The following DENND1A variants were observed in gnomAD, a reference collection of about 807,000 sequenced individuals.
DENND1A encodes the protein DENN domain containing 1A, also known as DENN domain-containing protein 1A.
DENND1A carries 51 observed loss-of-function variants against 113.7 expected under a neutral mutation model. The observed-to-expected ratio is 0.45, with a 90% CI of 0.36 to 0.57. The LOEUF (loss-of-function observed/expected upper bound fraction) is 0.57. DENND1A is among the 20% of genes least tolerant of loss of function. The pLI is 0.00. For missense variants in DENND1A, 1,258 were observed against 1,395.9 expected (o/e 0.90, Z 1.57); for synonymous variants, 565 against 570.8 (o/e 0.99, Z 0.14).
At chr9:123,434,829 TGCTTACAGTGGACCCG>T (rs759495330) in intron 19 of DENND1A, among the ~76,000 whole-genome samples, 26 of 152,254 alleles carry the variant, frequency 1.7e-4, no homozygotes, top group South Asian at 2.1e-4. Flanking sequence ...AGTAAGTGCA[TGCTTACAGTGGACCCG>T]GCTTACAGTG....
intron 1 of DENND1A, among the ~76,000 whole-genome samples, chr9:123,902,874 T>A (rs1588157396): frequency 6.8e-6 from 1 of 147,422 alleles, no homozygotes. Context: ...AAAAAAAAAA[T>A]TGTAGCCAAA....
chr9:123,792,413 A>G (rs1256907545), intron 3 of DENND1A, among the ~76,000 whole-genome samples, 174 bp downstream of exon 3: 1 of 152,206 alleles, frequency 6.6e-6, no homozygotes. Flanking sequence ...ATCTAGCACC[A>G]ATATTTTCAG....
At chr9:123,593,285 C>T (rs1189065454) in intron 11 of DENND1A, among the ~76,000 whole-genome samples, 1 of 152,132 alleles carries the variant, frequency 6.6e-6, no homozygotes, top group African/African-American at 2.4e-5. Flanking sequence ...ATTTCTTTAT[C>T]CATAAAATGG....
In DENND1A at chr9:123,507,533, T is replaced by C. The variant is rs56208417; in HGVS notation, c.994-49636A>G. 1.4e-3 allele frequency among the ~76,000 whole-genome samples: 208 copies of C among 152,192 alleles called. 2 individuals carry two copies. Among genetic ancestry groups the C allele is most frequent in the Non-Finnish European group, 2.2e-3 (148 of 68,004 alleles). On this transcript the variant is annotated intron_variant, in intron 13 of 23. Transcript: ENST00000394215. ...TACAAGTTCTCCCTCCCAAGTAGAC[T>C]AAAGCAGAAAATTTTAACATAAGAA...
chr9:123,626,266 C>G (rs889506535), intron 10 of DENND1A, among the ~76,000 whole-genome samples: 1 of 151,826 alleles, frequency 6.6e-6, no homozygotes, highest in African/African-American at 2.4e-5. Flanking sequence ...TGTGGAAGAC[C>G]CTGAGACATG....
At chr9:123,605,230 T>C (rs891924749) in intron 11 of DENND1A, among the ~76,000 whole-genome samples, 1 of 151,784 alleles carries the variant, frequency 6.6e-6, no homozygotes, top group African/African-American at 2.4e-5. Context: ...CCAAGAAGGA[T>C]AGAAAATACC....
At chr9:123,756,774 G>C (rs909711215) in intron 5 of DENND1A, among the ~76,000 whole-genome samples, 1 of 152,220 alleles carries the variant, frequency 6.6e-6, no homozygotes, top group Admixed American at 6.5e-5. Context: ...TTTTCTTGAT[G>C]AGAAGAAGAA....
At chr9:123,602,082 C>T (rs940517606) in intron 11 of DENND1A, among the ~76,000 whole-genome samples, 1 of 152,220 alleles carries the variant, frequency 6.6e-6, no homozygotes, top group African/African-American at 2.4e-5. Context: ...GTACAAATTA[C>T]AGTCGTCTCT....
At chr9:123,672,014 T>G in intron 6 of DENND1A, among the ~76,000 whole-genome samples, 1 of 152,228 alleles carries the variant, frequency 6.6e-6, no homozygotes. Context: ...TCTCCCACCA[T>G]GTGGAATTCT....
At chr9:123,426,470 C>A (rs904573502) in intron 19 of DENND1A, among the ~76,000 whole-genome samples, 1 of 152,156 alleles carries the variant, frequency 6.6e-6, no homozygotes, top group Non-Finnish European at 1.5e-5. Flanking sequence ...AAACCTGGAG[C>A]TCCCAGAACA....
chr9:123,395,999 ACG>A (rs2043113273), intron 21 of DENND1A, among the ~76,000 whole-genome samples: 6 of 151,192 alleles, frequency 4.0e-5, no homozygotes, highest in South Asian at 2.1e-4. Flanking sequence ...GTGTGTGTGC[ACG>A]CGTGTGAGAC....
chr9:123,563,252 G>A (rs2057864461), intron 12 of DENND1A, among the ~76,000 whole-genome samples: 1 of 152,128 alleles, frequency 6.6e-6, no homozygotes, highest in African/African-American at 2.4e-5. Context: ...AACACACACA[G>A]TATTGCCCCG....
chr9:123,455,052 C>A (rs1213892242), intron 15 of DENND1A, among the ~76,000 whole-genome samples: 3 of 152,106 alleles, frequency 2.0e-5, no homozygotes, highest in Non-Finnish European at 4.4e-5. Context: ...GAACTCCTGA[C>A]CTCAAGTGAT....
intron 8 of DENND1A, among the ~76,000 whole-genome samples, chr9:123,663,101 C>G (rs952171979): frequency 1.3e-5 from 2 of 152,050 alleles, no homozygotes; most frequent in East Asian, 3.8e-4. Flanking sequence ...TGTTTTTAAG[C>G]CATTAATATG....
At chr9:123,432,469 G>A (rs2046207448) in intron 19 of DENND1A, among the ~76,000 whole-genome samples, 1 of 152,218 alleles carries the variant, frequency 6.6e-6, no homozygotes, top group South Asian at 2.1e-4. Flanking sequence ...GGGGACCGAA[G>A]GGAGGGCACT....
At chr9:123,870,003 CAAA>C (rs11430845) in intron 2 of DENND1A, among the ~76,000 whole-genome samples, 6 of 78,584 alleles carry the variant, frequency 7.6e-5, no homozygotes, top group South Asian at 4.4e-4. Context: ...GACCCTGTCT[CAAA>C]AAAAAAAAAA....
At chr9:123,790,370 C>T (rs1832817865) in intron 3 of DENND1A, among the ~76,000 whole-genome samples, 1 of 150,946 alleles carries the variant, frequency 6.6e-6, no homozygotes, top group Non-Finnish European at 1.5e-5. Flanking sequence ...TTAATCATTT[C>T]TTGGGTTATA....
intron 13 of DENND1A, among the ~76,000 whole-genome samples, chr9:123,490,621 A>T (rs914346093): frequency 2.6e-5 from 4 of 151,922 alleles, no homozygotes; most frequent in Non-Finnish European, 5.9e-5. Flanking sequence ...ACAAAAACAA[A>T]CCAGGAATAT....
chr9:123,770,492 A>G (rs1829552543), intron 3 of DENND1A, among the ~76,000 whole-genome samples: 2 of 152,236 alleles, frequency 1.3e-5, no homozygotes, highest in African/African-American at 4.8e-5. Flanking sequence ...CTAACCACAT[A>G]GACAGGTAGT....
Sources: allele counts gnomAD v4.1 joint callset (sites outside exome capture counted in the v4.1 genomes callset), GRCh38; gene constraint gnomAD v4.1.1; transcripts MANE v1.5; gene names NCBI Gene and HGNC (gene_info 2026-07-23, HGNC 2026-07-21).